Variants in NKAIN3 observed in about 807,000 individuals in gnomAD.
NKAIN3 encodes sodium/potassium transporting ATPase interacting 3.
A neutral mutation model predicts 30.2 loss-of-function variants in NKAIN3; 25 were observed. The ratio of observed to expected loss-of-function variants is 0.83; its 90% CI spans 0.60 to 1.16. The LOEUF (loss-of-function observed/expected upper bound fraction) is 1.16. NKAIN3 is among the 50% of genes most tolerant of loss of function. The pLI, the probability that NKAIN3 is intolerant of heterozygous loss-of-function variation, is 0.00. For synonymous variants in NKAIN3, 91 were observed against 89.6 expected (o/e 1.02, Z -0.09); for missense variants, 225 against 254.1 (o/e 0.89, Z 0.78).
intron 1 of NKAIN3, among the ~76,000 whole-genome samples, chr8:62,398,060 C>T (rs1038501783): frequency 3.3e-5 from 5 of 152,072 alleles, no homozygotes; most frequent in African/African-American, 1.2e-4. Context: ...TGTCTGGCCA[C>T]GAAGCTGGCA....
chr8:62,588,877 T>C (rs771066376), intron 2 of NKAIN3, among the ~76,000 whole-genome samples: 8 of 151,832 alleles, frequency 5.3e-5, no homozygotes, highest in Non-Finnish European at 1.0e-4. Flanking sequence ...CTGGTCTGTA[T>C]GTCACTTTTC....
At chr8:62,502,321 A>G (rs1475963762) in intron 1 of NKAIN3, among the ~76,000 whole-genome samples, 5 of 151,782 alleles carry the variant, frequency 3.3e-5, no homozygotes, top group African/African-American at 1.2e-4. Flanking sequence ...ACTCCTTACC[A>G]CTCAACTCCA....
chr8:62,309,460 T>C (rs899667719), intron 1 of NKAIN3, among the ~76,000 whole-genome samples: 3 of 150,662 alleles, frequency 2.0e-5, no homozygotes, highest in Admixed American at 6.6e-5. Context: ...TTGTAATTTA[T>C]TGTGGAAGAT....
At chr8:62,269,949 A>G (rs895335303) in intron 1 of NKAIN3, among the ~76,000 whole-genome samples, 1 of 152,206 alleles carries the variant, frequency 6.6e-6, no homozygotes, top group Non-Finnish European at 1.5e-5. Context: ...CTTTAAGTAT[A>G]AAAAAGTAAT....
At chr8:62,919,223 CA>C (rs536619726) in intron 5 of NKAIN3, among the ~76,000 whole-genome samples, 1,786 of 89,208 alleles carry the variant, frequency 0.02, 51 homozygotes, top group East Asian at 0.043. Flanking sequence ...TATTTACTTT[CA>C]AAATTTTTTT....
At chr8:62,547,782 C>T (rs1463306980) in intron 1 of NKAIN3, among the ~76,000 whole-genome samples, 2 of 152,180 alleles carry the variant, frequency 1.3e-5, no homozygotes, top group African/African-American at 4.8e-5. Context: ...TTCCCCATTG[C>T]CATATTGATT....
chr8:62,905,602 G>A (rs760421188), intron 4 of NKAIN3, among the ~76,000 whole-genome samples: 4 of 151,984 alleles, frequency 2.6e-5, no homozygotes, highest in Admixed American at 6.5e-5. Flanking sequence ...TGCTCTGATC[G>A]GATTTTTGCC....
At chr8:62,893,926 T>C (rs1821361132) in intron 4 of NKAIN3, among the ~76,000 whole-genome samples, 1 of 152,150 alleles carries the variant, frequency 6.6e-6, no homozygotes, top group Non-Finnish European at 1.5e-5. Flanking sequence ...TCTTAAACAA[T>C]CTTAATTAAT....
At chr8:62,469,989 AGCTC>A in intron 1 of NKAIN3, among the ~76,000 whole-genome samples, 1 of 152,322 alleles carries the variant, frequency 6.6e-6, no homozygotes, top group South Asian at 2.1e-4. Context: ...TATGCTTTGC[AGCTC>A]TCCCAATTCC....
chr8:62,610,644 G>T (rs1226862139), intron 3 of NKAIN3, among the ~76,000 whole-genome samples: 1 of 152,078 alleles, frequency 6.6e-6, no homozygotes, highest in Non-Finnish European at 1.5e-5. Flanking sequence ...GTATACTTTT[G>T]ATGCTTTAAA....
At chr8:62,284,953 A>G (rs1177420014) in intron 1 of NKAIN3, among the ~76,000 whole-genome samples, 1 of 152,164 alleles carries the variant, frequency 6.6e-6, no homozygotes, top group Non-Finnish European at 1.5e-5. Flanking sequence ...TTTAGTTTTT[A>G]GATTCTCTTT....
chr8:62,749,595 G>A (rs1268281820), intron 4 of NKAIN3, among the ~76,000 whole-genome samples: 2 of 151,510 alleles, frequency 1.3e-5, no homozygotes, highest in Admixed American at 6.6e-5. Flanking sequence ...TTAGTGGTGT[G>A]ACTGATTTTT....
At chr8:62,254,587 A>G (rs954104966) in intron 1 of NKAIN3, among the ~76,000 whole-genome samples, 1 of 151,838 alleles carries the variant, frequency 6.6e-6, no homozygotes, top group Admixed American at 6.6e-5. Context: ...AATAAAAAGG[A>G]TATATGCCAA....
chr8:62,425,858 C>G (rs1053136775), intron 1 of NKAIN3, among the ~76,000 whole-genome samples: 3 of 151,824 alleles, frequency 2.0e-5, no homozygotes, highest in Admixed American at 1.3e-4. Flanking sequence ...TCTGCACGTT[C>G]CATGTCTGTC....
intron 4 of NKAIN3, among the ~76,000 whole-genome samples, chr8:62,748,870 G>C (rs923433560): frequency 6.6e-6 from 1 of 151,988 alleles, no homozygotes; most frequent in Non-Finnish European, 1.5e-5. Context: ...ACAGTCACTT[G>C]CCAATATATG....
intron 1 of NKAIN3, among the ~76,000 whole-genome samples, chr8:62,571,420 T>C (rs1327245768): frequency 6.6e-6 from 1 of 152,160 alleles, no homozygotes; most frequent in East Asian, 1.9e-4. Flanking sequence ...CCCTCCCAGC[T>C]GCTTTCGTGG....
chr8:62,380,260 TA>T (rs1399557746), intron 1 of NKAIN3, among the ~76,000 whole-genome samples: 4 of 152,216 alleles, frequency 2.6e-5, no homozygotes, highest in Non-Finnish European at 5.9e-5. Context: ...TTTCAAAGGA[TA>T]AATGAACTCA....
intron 1 of NKAIN3, among the ~76,000 whole-genome samples, chr8:62,453,760 T>G (rs1240797613): frequency 1.3e-5 from 2 of 152,146 alleles, no homozygotes; most frequent in Non-Finnish European, 2.9e-5. Flanking sequence ...GATATGCGCA[T>G]AAGCTAGAAA....
intron 1 of NKAIN3, among the ~76,000 whole-genome samples, chr8:62,433,333 T>G (rs1231085092): frequency 6.6e-6 from 1 of 152,090 alleles, no homozygotes; most frequent in Non-Finnish European, 1.5e-5. Context: ...CTCACAGAAT[T>G]TGGTTAAGAA....
Sources: gnomAD v4.1 joint callset for allele counts (sites outside exome capture counted in the v4.1 genomes callset) on GRCh38, gnomAD v4.1.1 for gene constraint, MANE v1.5 for transcripts, NCBI Gene and HGNC (gene_info 2026-07-23, HGNC 2026-07-21) for gene names.